EPHA7: variants seen among roughly 807,000 people sequenced by gnomAD.
EPHA7 encodes the protein ephrin type-A receptor 7.
Under a neutral mutation model 112.6 loss-of-function variants are expected in EPHA7, and 25 were observed. That is an observed-to-expected ratio of 0.22 (90% confidence interval 0.16 to 0.31). The LOEUF (loss-of-function observed/expected upper bound fraction) is 0.31. Among genes scored for constraint, EPHA7 ranks in the 10% least tolerant of loss-of-function variants. The pLI, the probability that EPHA7 is intolerant of heterozygous loss-of-function variation, is 1.00. For synonymous variants in EPHA7, 437 were observed against 406.5 expected (o/e 1.07, Z -0.90); for missense variants, 962 against 1,212.6 (o/e 0.79, Z 3.07).
chr6:93,247,326 A>G (rs1769997902), intron 14 of EPHA7, among the ~76,000 whole-genome samples: 1 of 152,214 alleles, frequency 6.6e-6, no homozygotes, highest in African/African-American at 2.4e-5. Context: ...GTGAGTATCC[A>G]TATGTGCCCA....
At chr6:93,386,712 C>A (rs1274019382) in intron 3 of EPHA7, among the ~76,000 whole-genome samples, 1 of 152,152 alleles carries the variant, frequency 6.6e-6, no homozygotes, top group African/African-American at 2.4e-5. Flanking sequence ...TGGGTGATTC[C>A]ATGCATCATC....
chr6:93,403,368 A>AAAT (rs1322247159), intron 3 of EPHA7, among the ~76,000 whole-genome samples: 1 of 151,866 alleles, frequency 6.6e-6, no homozygotes, highest in Non-Finnish European at 1.5e-5. Context: ...TAAAAAAAAA[A>AAAT]AAATCACAAG....
intron 5 of EPHA7, among the ~76,000 whole-genome samples, chr6:93,284,035 A>G (rs1771926786): frequency 6.6e-6 from 1 of 152,212 alleles, no homozygotes; most frequent in Non-Finnish European, 1.5e-5. Context: ...AAAATGCTTG[A>G]TAGTTCCATA....
chr6:93,311,561 C>T (rs753422013), intron 5 of EPHA7, among the ~76,000 whole-genome samples: 1 of 152,158 alleles, frequency 6.6e-6, no homozygotes. Context: ...ATTTTCACCA[C>T]ATCTGCAGTT....
At position 93,252,421 on chromosome 6, in the gene EPHA7, G is replaced by C. The variant is rs185191890; in HGVS notation, c.2532+2226C>G. On this transcript the variant is annotated intron_variant, in intron 14 of 16. Transcript: ENST00000369303. ...GAATACATCTGAAAATCTGAGGAAG[G>C]CAACCTTCCCAGAAAAAAAAATAAT... Among the ~76,000 whole-genome samples, 23 of 106,312 alleles carry C rather than the reference G, an allele frequency of 2.2e-4. No homozygotes were observed. In the East Asian group the frequency reaches 7.8e-3, roughly 36 times the overall value. The allele number at this position is 106,312 out of a possible 152,430, so 69.7% of individuals were successfully genotyped here.
intron 5 of EPHA7, among the ~76,000 whole-genome samples, chr6:93,321,484 T>C (rs940952435): frequency 1.3e-5 from 2 of 151,962 alleles, no homozygotes; most frequent in Non-Finnish European, 2.9e-5. Flanking sequence ...AGCTCACTAA[T>C]TAGTGCTCTT....
At chr6:93,325,465 AT>A (rs1397979124) in intron 5 of EPHA7, among the ~76,000 whole-genome samples, 2 of 151,208 alleles carry the variant, frequency 1.3e-5, no homozygotes, top group Non-Finnish European at 3.0e-5. Context: ...ATTGTCTAAA[AT>A]TTTCTGTAAT....
At chr6:93,328,747 C>G (rs1042356833) in intron 5 of EPHA7, among the ~76,000 whole-genome samples, 1 of 151,156 alleles carries the variant, frequency 6.6e-6, no homozygotes, top group Non-Finnish European at 1.5e-5. Flanking sequence ...CATAGAAGCC[C>G]TACATAATCA....
In EPHA7 at chr6:93,269,644, G is replaced by A. The variant is rs1371749537; in HGVS notation, c.1466C>T (p.Thr489Ile). The stretch of plus-strand genomic sequence containing the variant: ...AGACTTGGTTTTTACTGTTGAGTAG[G>A]TCCGTTCCCTTTGATCCTAGAAACA... Reference protein sequence around the residue: ...KYYEKDQRERTYSTVKTKSTS... With the variant: ...KYYEKDQRERIYSTVKTKSTS... Residue 489 changes from threonine (T) to isoleucine (I), a missense_variant, in exon 7 of 17, where the codon ACC becomes ATC. Physicochemically the swap from Thr to Ile is moderately conservative, Grantham distance 89. Transcript: ENST00000369303. 1.3e-6 allele frequency: 2 copies of A among 1,550,154 alleles called. No homozygotes were observed. Among genetic ancestry groups the A allele is most frequent in the Non-Finnish European group, 1.7e-6 (2 of 1,153,660 alleles).
chr6:93,389,810 C>T (rs1777812699), intron 3 of EPHA7, among the ~76,000 whole-genome samples: 1 of 151,750 alleles, frequency 6.6e-6, no homozygotes, highest in Admixed American at 6.6e-5. Context: ...ACAATAACAA[C>T]AAGAAGTTGG....
intron 3 of EPHA7, among the ~76,000 whole-genome samples, chr6:93,405,850 T>TATATATATATAA (rs1469158388): frequency 2.1e-4 from 26 of 121,318 alleles, no homozygotes; most frequent in Non-Finnish European, 3.2e-4. Flanking sequence ...TATATATATA[T>TATATATATATAA]AAATGATTAT....
At position 93,366,574 on chromosome 6, in the gene EPHA7, T is replaced by C. The variant is rs145677291; in HGVS notation, c.833-8163A>G. Among the ~76,000 whole-genome samples, 39 of 152,236 alleles carry C rather than the reference T, an allele frequency of 2.6e-4. No individual in the cohort carries two copies. The East Asian group carries it at 7.0e-3, about 27-fold the overall frequency. On this transcript the variant is annotated intron_variant, in intron 3 of 16. Transcript: ENST00000369303. Reference sequence around the variant, plus strand: ...TATAGAAACATACAGTACACCCACTTAGTCTTTCAGAGATGCCTTAGCAAG... The same window carrying C: ...TATAGAAACATACAGTACACCCACTCAGTCTTTCAGAGATGCCTTAGCAAG...
At chr6:93,341,381 T>TA (rs1775127924) in intron 5 of EPHA7, among the ~76,000 whole-genome samples, 1 of 151,790 alleles carries the variant, frequency 6.6e-6, no homozygotes, top group Non-Finnish European at 1.5e-5. Context: ...ATTTCAAACT[T>TA]ACTTTGAGTG....
At chr6:93,321,528 C>T (rs1562095449) in intron 5 of EPHA7, among the ~76,000 whole-genome samples, 1 of 151,800 alleles carries the variant, frequency 6.6e-6, no homozygotes, top group Non-Finnish European at 1.5e-5. Context: ...TTTTGTTAGA[C>T]ACAATTAAGG....
At chr6:93,357,179 G>T in intron 4 of EPHA7, 127 bp from the exon 5 acceptor site, 1 of 686,638 alleles carries the variant, frequency 1.5e-6, no homozygotes, top group Non-Finnish European at 2.4e-6. Flanking sequence ...AAAACGAGTT[G>T]AAATGCTTTC....
intron 5 of EPHA7, among the ~76,000 whole-genome samples, chr6:93,276,842 A>C (rs941514267): frequency 1.3e-5 from 2 of 152,094 alleles, no homozygotes; most frequent in African/African-American, 4.8e-5. Flanking sequence ...AAAGTCATTT[A>C]TTTATACCAT....
chr6:93,289,032 T>G (rs1207513917), intron 5 of EPHA7, among the ~76,000 whole-genome samples: 1 of 152,186 alleles, frequency 6.6e-6, no homozygotes, highest in East Asian at 1.9e-4. Flanking sequence ...AAATTCTGTT[T>G]AAATGAATGA....
chr6:93,365,294 T>G (rs959724322), intron 3 of EPHA7, among the ~76,000 whole-genome samples: 1 of 152,248 alleles, frequency 6.6e-6, no homozygotes, highest in African/African-American at 2.4e-5. Flanking sequence ...CTTTCTGGGC[T>G]TTAACATTGT....
intron 3 of EPHA7, among the ~76,000 whole-genome samples, chr6:93,373,137 A>G (rs975202892): frequency 6.6e-6 from 1 of 152,000 alleles, no homozygotes; most frequent in Non-Finnish European, 1.5e-5. Flanking sequence ...ATTTTGACAT[A>G]TAGTCAATAA....
Sources: gnomAD v4.1 joint callset for allele counts (sites outside exome capture counted in the v4.1 genomes callset) on GRCh38, gnomAD v4.1.1 for gene constraint, MANE v1.5 for transcripts, NCBI Gene and HGNC (gene_info 2026-07-23, HGNC 2026-07-21) for gene names.